The following SMS variants were observed in gnomAD, a reference collection of about 807,000 sequenced individuals.
The protein encoded by SMS is spermine synthase.
SMS carries 3 observed loss-of-function variants against 33.0 expected under a neutral mutation model. The ratio of observed to expected loss-of-function variants is 0.09; its 90% CI spans 0.04 to 0.23. The LOEUF (loss-of-function observed/expected upper bound fraction) is 0.23. Ranked by LOEUF, SMS falls within the 10% of genes least tolerant of loss-of-function variation. The pLI is 1.00. For synonymous variants in SMS, 103 were observed against 112.2 expected, an observed-to-expected ratio of 0.92 and a Z score of 0.52; for missense variants, 117 against 288.6, an observed-to-expected ratio of 0.41 and a Z score of 4.31.
intron 1 of SMS, among the ~76,000 whole-genome samples, chrX:21,965,615 G>GC (rs1411710585): frequency 9.7e-6 from 1 of 103,063 alleles, no homozygotes; most frequent in Admixed American, 1.1e-4. Context: ...GGGCGTGGTG[G>GC]CGGGCGCCTG....
chrX:21,965,846 C>T (rs563518151), intron 1 of SMS, among the ~76,000 whole-genome samples: 3 of 111,482 alleles, frequency 2.7e-5, no homozygotes, highest in African/African-American at 9.8e-5. Flanking sequence ...GTCCCAGCTA[C>T]TTGGGAGGCT....
intron 7 of SMS, among the ~76,000 whole-genome samples, chrX:21,983,491 G>A (rs1020160326): frequency 1.3e-4 from 14 of 111,034 alleles, no homozygotes; most frequent in Non-Finnish European, 2.5e-4. Flanking sequence ...CCCCAGCATA[G>A]AGCCTCAGTA....
chrX:21,971,852 GC>G (rs1204212933), intron 2 of SMS, 44 bp from the exon 3 acceptor site: 1 of 817,941 alleles, frequency 1.2e-6, no homozygotes, highest in Non-Finnish European at 1.8e-6. Flanking sequence ...TTTTTTTAAT[GC>G]CCCGATACAA....
At chrX:21,958,534 A>G (rs139442850) in intron 1 of SMS, among the ~76,000 whole-genome samples, 2,178 of 112,381 alleles carry the variant, frequency 0.019, 34 homozygotes, top group Non-Finnish European at 0.03. Context: ...CGGTTGCGTG[A>G]CCATCATGAC....
At chrX:21,970,972 G>A (rs1924112680) in intron 2 of SMS, among the ~76,000 whole-genome samples, 1 of 110,143 alleles carries the variant, frequency 9.1e-6, no homozygotes, top group Admixed American at 9.6e-5. Flanking sequence ...CAAGGCAGGT[G>A]GATCACCTGA....
intron 9 of SMS, among the ~76,000 whole-genome samples, chrX:21,989,364 T>C (rs998867487): frequency 9.0e-6 from 1 of 111,669 alleles, no homozygotes; most frequent in African/African-American, 3.3e-5. Context: ...TTTAATCCCA[T>C]AGTGAAGCCT....
chrX:21,984,653 T>C (rs1346200564), intron 8 of SMS, among the ~76,000 whole-genome samples: 1 of 112,355 alleles, frequency 8.9e-6, no homozygotes, highest in Non-Finnish European at 1.9e-5. Context: ...ATTACATTAA[T>C]GAGACAGTAA....
chrX:21,969,413 T>A (rs1217203508), intron 2 of SMS, among the ~76,000 whole-genome samples: 1 of 112,064 alleles, frequency 8.9e-6, no homozygotes, highest in Non-Finnish European at 1.9e-5. Flanking sequence ...ATGGATGGTC[T>A]CTTGGAAGCA....
chrX:21,946,724 G>A (rs772885409), intron 1 of SMS, among the ~76,000 whole-genome samples: 2 of 111,608 alleles, frequency 1.8e-5, no homozygotes, highest in Non-Finnish European at 3.8e-5. Context: ...GTCCTGCAGC[G>A]CACAGGACAA....
chrX:21,983,679 A>G (rs1282333221), intron 7 of SMS, among the ~76,000 whole-genome samples: 1 of 111,279 alleles, frequency 9.0e-6, no homozygotes, highest in East Asian at 2.8e-4. Flanking sequence ...AGTTTGAGTA[A>G]GGTGCAAAAG....
intron 4 of SMS, among the ~76,000 whole-genome samples, chrX:21,974,107 G>A (rs1458092060): frequency 8.9e-6 from 1 of 112,352 alleles, no homozygotes; most frequent in African/African-American, 3.2e-5. Flanking sequence ...GCTGAGCAAC[G>A]GAAATACAGG....
Position 21,953,871 on chromosome X carries a change from G to C in SMS, c.49+12998G>C, listed in dbSNP as rs1458729648. 4.4e-5 allele frequency among the ~76,000 whole-genome samples: 4 copies of C among 90,386 alleles called. No individual in the cohort carries two copies. The East Asian group carries it at 1.4e-3, about 32-fold the overall frequency. The allele number at this position is 90,386 out of a possible 115,157, so 78.5% of individuals were successfully genotyped here. On this transcript the variant is annotated intron_variant, in intron 1 of 10. Coordinates refer to ENST00000404933, the MANE Select transcript of SMS (RefSeq NM_004595.5). ...CTTTGCTTAATTTTTTTCTCCTCTA[G>C]TTTTTATCAATTTTATTGATTTTTT...
chrX:21,979,672 ATGTGTCTTTATAG>A (rs773314335), intron 7 of SMS, among the ~76,000 whole-genome samples: 120 of 111,267 alleles, frequency 1.1e-3, no homozygotes, highest in African/African-American at 3.5e-3. Flanking sequence ...ATACGTGTGC[ATGTGTCTTTATAG>A]TAGAATGACT....
At chrX:21,977,929 C>CT in intron 5 of SMS, 31 bp from the exon 6 acceptor site, 1 of 1,202,017 alleles carries the variant, frequency 8.3e-7, no homozygotes, top group Non-Finnish European at 1.1e-6. Context: ...TTAAGGTAGA[C>CT]TCACCATTTG....
At chrX:21,958,733 A>G (rs191259640) in intron 1 of SMS, among the ~76,000 whole-genome samples, 228 of 111,849 alleles carry the variant, frequency 2.0e-3, no homozygotes, top group Non-Finnish European at 3.5e-3. Context: ...CTGGAGTGCA[A>G]TTGCGCCATC....
chrX:21,944,470 G>C (rs1198449001), intron 1 of SMS, among the ~76,000 whole-genome samples: 1 of 93,015 alleles, frequency 1.1e-5, no homozygotes, highest in Non-Finnish European at 2.0e-5. Context: ...CGAAGCGCTT[G>C]AGCCCAAGAG....
intron 1 of SMS, among the ~76,000 whole-genome samples, chrX:21,943,847 G>T (rs1921999261): frequency 9.0e-6 from 1 of 111,685 alleles, no homozygotes; most frequent in African/African-American, 3.3e-5. Flanking sequence ...AGGGGAACTT[G>T]GTGAAAAATC....
chrX:21,959,132 G>C (rs1923168932), intron 1 of SMS, among the ~76,000 whole-genome samples: 1 of 112,194 alleles, frequency 8.9e-6, no homozygotes, highest in African/African-American at 3.2e-5. Flanking sequence ...AAAAGGACTA[G>C]ACATAGGGCT....
intron 1 of SMS, among the ~76,000 whole-genome samples, chrX:21,948,864 C>T (rs989549210): frequency 5.4e-5 from 6 of 112,050 alleles, no homozygotes; most frequent in African/African-American, 1.3e-4. Flanking sequence ...ACTGTGGCTC[C>T]GACCACCATT....
Sources: allele counts gnomAD v4.1 joint callset (sites outside exome capture counted in the v4.1 genomes callset), GRCh38; gene constraint gnomAD v4.1.1; transcripts MANE v1.5; gene names NCBI Gene and HGNC (gene_info 2026-07-23, HGNC 2026-07-21).